Variants in PCDH11Y observed in about 807,000 individuals in gnomAD.
The protein encoded by PCDH11Y is protocadherin 11 Y-linked.
For missense variants in PCDH11Y, 12 were observed against 224.8 expected, an observed-to-expected ratio of 0.05 and a Z score of 6.05; for synonymous variants, 9 against 83.6, an observed-to-expected ratio of 0.11 and a Z score of 4.87.
At chrY:5,228,362 C>G (rs1602889628) in intron 2 of PCDH11Y, among the ~76,000 whole-genome samples, 4 of 31,059 alleles carry the variant, frequency 1.3e-4, no homozygotes, top group African/African-American at 5.0e-4. Context: ...TTTTGTCTAA[C>G]TTTTAAAAAA....
At chrY:5,012,212 G>A in intron 1 of PCDH11Y, among the ~76,000 whole-genome samples, 2 of 32,245 alleles carry the variant, frequency 6.2e-5, no homozygotes, top group Admixed American at 5.7e-4. Context: ...ACAGTTTTCT[G>A]TATTGGTCTG....
At chrY:5,462,127 G>A (rs2053304173) in intron 2 of PCDH11Y, among the ~76,000 whole-genome samples, 3 of 33,237 alleles carry the variant, frequency 9.0e-5, no homozygotes, top group Non-Finnish European at 2.2e-4. Flanking sequence ...ATTTCAGTCA[G>A]TGTCCTGTTT....
chrY:5,479,511 G>C, intron 2 of PCDH11Y, among the ~76,000 whole-genome samples: 1 of 33,163 alleles, frequency 3.0e-5, no homozygotes, highest in African/African-American at 1.2e-4. Context: ...ATGTGTCTTG[G>C]GGTTGCTTTT....
At chrY:5,563,199 A>G in intron 3 of PCDH11Y, among the ~76,000 whole-genome samples, 1 of 33,045 alleles carries the variant, frequency 3.0e-5, no homozygotes, top group African/African-American at 1.2e-4. Context: ...ATTATCATGC[A>G]GTAGTTAAGC....
chrY:5,576,456 ATTTTTC>A (rs2053446047), intron 3 of PCDH11Y, among the ~76,000 whole-genome samples: 1 of 33,073 alleles, frequency 3.0e-5, no homozygotes, highest in Non-Finnish European at 7.5e-5. Flanking sequence ...TCATATATAA[ATTTTTC>A]TGTAAGATGT....
intron 2 of PCDH11Y, among the ~76,000 whole-genome samples, chrY:5,379,700 A>C: frequency 3.4e-5 from 1 of 29,531 alleles, no homozygotes; most frequent in East Asian, 9.4e-4. Context: ...GGAACAACAC[A>C]GAGTCTGGCC....
chrY:5,302,207 GAGGA>G lies in PCDH11Y; in HGVS notation c.3130-198807_3130-198804del, dbSNP rs767610156. Among the ~76,000 whole-genome samples, 144 of 19,980 alleles carry G rather than the reference GAGGA, an allele frequency of 7.2e-3. No individual in the cohort carries two copies. The East Asian group carries it at 0.076, about 11-fold the overall frequency. The allele number at this position is 19,980 out of a possible 37,273, so 53.6% of individuals were successfully genotyped here. ...TGTTTCAAAAAAGAAGGAAGGAAGG[GAGGA>G]AGGAAGGAAGGAAGGAAGGAAGGAA... On this transcript the variant is annotated intron_variant, in intron 2 of 4. Transcript: ENST00000400457.
intron 2 of PCDH11Y, among the ~76,000 whole-genome samples, chrY:5,362,020 G>T: frequency 6.1e-5 from 2 of 32,522 alleles, no homozygotes; most frequent in Non-Finnish European, 1.5e-4. Context: ...AAGCATATAG[G>T]TTTCTTCTAA....
At chrY:5,093,848 G>A in intron 1 of PCDH11Y, among the ~76,000 whole-genome samples, 2 of 32,105 alleles carry the variant, frequency 6.2e-5, no homozygotes, top group African/African-American at 2.4e-4. Flanking sequence ...TAAAATAAGA[G>A]CCACTACTTT....
intron 4 of PCDH11Y, among the ~76,000 whole-genome samples, chrY:5,646,877 C>G (rs2053527560): frequency 3.1e-5 from 1 of 32,550 alleles, no homozygotes; most frequent in African/African-American, 1.2e-4. Flanking sequence ...AAACATTTAT[C>G]AGACCCTAAA....
intron 2 of PCDH11Y, among the ~76,000 whole-genome samples, chrY:5,283,512 T>C (rs2053056782): frequency 1.3e-3 from 44 of 32,939 alleles, no homozygotes; most frequent in Non-Finnish European, 2.5e-3. Flanking sequence ...CATTGGTCAT[T>C]AACAGTGGCA....
At chrY:5,274,266 C>T (rs2124659918) in intron 2 of PCDH11Y, among the ~76,000 whole-genome samples, 1 of 33,189 alleles carries the variant, frequency 3.0e-5, no homozygotes, top group South Asian at 6.6e-4. Context: ...AGGTAATTCT[C>T]CCTTGTCTAG....
chrY:5,664,924 G>A (rs2053543840), intron 4 of PCDH11Y, among the ~76,000 whole-genome samples: 1 of 33,144 alleles, frequency 3.0e-5, no homozygotes, highest in Non-Finnish European at 7.4e-5. Context: ...TTCTTGAATT[G>A]ATAATTAATT....
chrY:5,276,273 G>A (rs2053044299), intron 2 of PCDH11Y, among the ~76,000 whole-genome samples: 3 of 33,049 alleles, frequency 9.1e-5, no homozygotes. Context: ...TCAAATGGGT[G>A]TGAAGTATAT....
At chrY:5,737,076 C>G in intron 4 of PCDH11Y, among the ~76,000 whole-genome samples, 196 bp from the exon 6 acceptor site, 1 of 32,079 alleles carries the variant, frequency 3.1e-5, no homozygotes, top group East Asian at 8.2e-4. Context: ...ACCTCATCCA[C>G]CCACTCCAAG....
chrY:5,680,068 C>G (rs2124709391), intron 4 of PCDH11Y, among the ~76,000 whole-genome samples: 1 of 32,209 alleles, frequency 3.1e-5, no homozygotes, highest in East Asian at 8.4e-4. Context: ...AGAAAAGCAT[C>G]TTGGGCAAGA....
intron 2 of PCDH11Y, among the ~76,000 whole-genome samples, chrY:5,139,051 G>A: frequency 6.0e-5 from 2 of 33,461 alleles, no homozygotes; most frequent in South Asian, 6.6e-4. Flanking sequence ...CCACGATCAC[G>A]TGGGTTTTAT....
intron 3 of PCDH11Y, among the ~76,000 whole-genome samples, chrY:5,525,941 C>CTGTG (rs2053387270): frequency 3.3e-5 from 1 of 30,461 alleles, no homozygotes; most frequent in African/African-American, 1.3e-4. Flanking sequence ...CTCTCTCTCT[C>CTGTG]TCTGTGTGTG....
At chrY:5,109,300 C>T (rs2052800697), downstream of PCDH11Y, among the ~76,000 whole-genome samples, 21 of 33,390 alleles carry the variant, frequency 6.3e-4, no homozygotes, top group Non-Finnish European at 1.4e-3. Context: ...CTAGAGTAGC[C>T]ATAGGTTTCT....
Sources: allele counts gnomAD v4.1 joint callset (sites outside exome capture counted in the v4.1 genomes callset), GRCh38; gene constraint gnomAD v4.1.1; transcripts MANE v1.5; gene names NCBI Gene and HGNC (gene_info 2026-07-23, HGNC 2026-07-21).